The following KATNIP variants were observed in gnomAD, a reference collection of about 807,000 sequenced individuals.
KATNIP encodes the protein katanin-interacting protein.
KATNIP carries 126 observed loss-of-function variants against 174.0 expected under a neutral mutation model. The ratio of observed to expected loss-of-function variants is 0.72; its 90% CI spans 0.63 to 0.84. The LOEUF is 0.84. Among genes scored for constraint, KATNIP ranks in the 40% least tolerant of loss-of-function variants. The pLI is 0.00. For missense variants in KATNIP, 1,958 were observed against 2,109.7 expected, an observed-to-expected ratio of 0.93 and a Z score of 1.41; for synonymous variants, 810 against 835.7, an observed-to-expected ratio of 0.97 and a Z score of 0.53.
At position 27,748,698 on chromosome 16, in the gene KATNIP, C is replaced by T. The variant is rs545567179; in HGVS notation, c.2624-886C>T. Reference sequence around the variant, plus strand: ...ACTCGGGGGGCTGAAGCGGGAGGATCGCTTGAGGCCAGGAGGTCAAGGTTG... The same window carrying T: ...ACTCGGGGGGCTGAAGCGGGAGGATTGCTTGAGGCCAGGAGGTCAAGGTTG... On this transcript the variant is annotated intron_variant, in intron 15 of 27. Coordinates refer to ENST00000261588, the MANE Select transcript of KATNIP (RefSeq NM_015202.5). 4.6e-5 allele frequency among the ~76,000 whole-genome samples: 7 copies of T among 152,066 alleles called. No individual in the cohort carries two copies. In the South Asian group the frequency reaches 8.4e-4, roughly 18 times the overall value.
chr16:27,746,737 C>T (rs2081309703), intron 15 of KATNIP, among the ~76,000 whole-genome samples: 1 of 152,154 alleles, frequency 6.6e-6, no homozygotes, highest in African/African-American at 2.4e-5. Context: ...GCTCTGAGGC[C>T]AGAAGAGACA....
chr16:27,757,502 T>A (rs1330214060), intron 18 of KATNIP: 10 of 985,286 alleles, frequency 1.0e-5, no homozygotes, highest in Non-Finnish European at 8.4e-6. Flanking sequence ...AGATGCTGCC[T>A]GTAGATGTGT....
At chr16:27,576,664 A>C (rs1048864280) in intron 2 of KATNIP, among the ~76,000 whole-genome samples, 8 of 152,008 alleles carry the variant, frequency 5.3e-5, no homozygotes, top group East Asian at 1.9e-4. Context: ...ACAAAAAAAA[A>C]CAGCAAGCTG....
rs371104220 is a variant in KATNIP at position 27,749,779 on chromosome 16, C to T, written c.2819C>T (p.Pro940Leu). 1.5e-5 allele frequency: 24 copies of T among 1,610,090 alleles called. No homozygotes were observed. The highest frequency in any genetic ancestry group is 8.0e-5 in the African/African-American group (6 of 74,984). Residue 940 changes from proline (P) to leucine (L), a missense_variant, in exon 16 of 28, where the codon CCC (proline) becomes CTC (leucine). By Grantham distance (98) the Pro-to-Leu change is moderately conservative (BLOSUM62 -3). Transcript: ENST00000261588. ...AGCAGCCGGCACAGCGACTTGCCCC[C>T]CTCCAAGAAGGGGGAGCAGCCAGGG... ...QKSSRHSDLP[P>L]SKKGEQPGLS... is the part of the protein sequence containing the mutation.
At chr16:27,728,005 A>G (rs572784091) in intron 14 of KATNIP, 1 of 152,370 alleles carries the variant, frequency 6.6e-6, no homozygotes, top group African/African-American at 2.4e-5. Flanking sequence ...TTTCTTTTAC[A>G]CTTGGTTTGT....
At chr16:27,558,630 G>A (rs2089726148) in intron 1 of KATNIP, among the ~76,000 whole-genome samples, 1 of 152,182 alleles carries the variant, frequency 6.6e-6, no homozygotes, top group African/African-American at 2.4e-5. Context: ...TGTAAATAAA[G>A]TTTTATTGGA....
intron 2 of KATNIP, among the ~76,000 whole-genome samples, chr16:27,610,611 G>T (rs116648054): frequency 6.6e-6 from 1 of 152,108 alleles, no homozygotes; most frequent in Non-Finnish European, 1.5e-5. Flanking sequence ...GTTGCAGCCC[G>T]CTTTTGTACA....
chr16:27,573,678 A>C (rs1227826616), intron 1 of KATNIP, among the ~76,000 whole-genome samples: 1 of 152,214 alleles, frequency 6.6e-6, no homozygotes, highest in Non-Finnish European at 1.5e-5. Flanking sequence ...AGCTTTGTTC[A>C]TTATAGTCAA....
In KATNIP at chr16:27,701,414, G is replaced by A. The variant is rs1295740476; in HGVS notation, c.1180-175G>A. ...CCTGGTCCTCGGAAGCTGAGATGGT[G>A]TGAGGGGTTCTAGATAGAAGCTCCA... On this transcript the variant is annotated intron_variant, in intron 10 of 27. Coordinates refer to ENST00000261588, the MANE Select transcript of KATNIP (RefSeq NM_015202.5). 1.1e-5 allele frequency: 6 copies of A among 567,546 alleles called. No homozygotes were observed. The South Asian group carries it at 1.4e-4, about 13-fold the overall frequency. 35.2% of individuals were successfully genotyped at this position (567,546 alleles called of 1,614,324 possible).
chr16:27,638,049 C>T (rs2076687172), intron 5 of KATNIP, among the ~76,000 whole-genome samples: 1 of 152,194 alleles, frequency 6.6e-6, no homozygotes, highest in Admixed American at 6.5e-5. Context: ...CACGGTTTTA[C>T]ACTCCCTCCA....
At chr16:27,608,856 C>G (rs1376802879) in intron 2 of KATNIP, among the ~76,000 whole-genome samples, 2 of 152,154 alleles carry the variant, frequency 1.3e-5, no homozygotes. Flanking sequence ...CTCCTCAGCA[C>G]CCGGCAATCT....
chr16:27,605,070 A>G (rs900255216), intron 2 of KATNIP, among the ~76,000 whole-genome samples: 1 of 152,120 alleles, frequency 6.6e-6, no homozygotes, highest in Non-Finnish European at 1.5e-5. Flanking sequence ...CTGGGATTAC[A>G]GGCATGTGCC....
Position 27,677,787 on chromosome 16 carries a change from C to G in KATNIP, c.599C>G (p.Ser200Cys). ...VNLQRKQKDC[S>C]SDEYDSIEED... Reference sequence around the variant, plus strand: ...CTACAAAGGAAACAAAAGGATTGTTCCAGCGATGAGTATGACTCTATTGAG... The same window carrying G: ...CTACAAAGGAAACAAAAGGATTGTTGCAGCGATGAGTATGACTCTATTGAG... The change falls in exon 7 of 28, where the codon TCC becomes TGC. Residue 200 changes from serine to cysteine, a missense_variant. Physicochemically the swap from Ser to Cys is moderately radical, Grantham distance 112. Transcript: ENST00000261588. 1.9e-6 allele frequency: 3 copies of G among 1,614,078 alleles called. No individual in the cohort carries two copies. The South Asian group carries it at 3.3e-5, about 18-fold the overall frequency.
intron 17 of KATNIP, among the ~76,000 whole-genome samples, chr16:27,753,323 C>G (rs1004270343): frequency 2.7e-4 from 41 of 152,302 alleles, no homozygotes; most frequent in Admixed American, 1.8e-3. Flanking sequence ...GCCTGTGCTC[C>G]TGATTCGACC....
chr16:27,770,107 G>A, intron 21 of KATNIP, 89 bp downstream of exon 21: 1 of 1,410,688 alleles, frequency 7.1e-7, no homozygotes, highest in East Asian at 2.3e-5. Context: ...TTCCGAAAGG[G>A]TTTTGAAACG....
At chr16:27,600,389 A>G (rs1393183689) in intron 2 of KATNIP, among the ~76,000 whole-genome samples, 1 of 152,124 alleles carries the variant, frequency 6.6e-6, no homozygotes, top group Non-Finnish European at 1.5e-5. Flanking sequence ...ACTGCCCTAC[A>G]CTTGAGAATG....
intron 6 of KATNIP, among the ~76,000 whole-genome samples, chr16:27,674,422 G>C (rs563093345): frequency 6.6e-6 from 1 of 152,334 alleles, no homozygotes; most frequent in South Asian, 2.1e-4. Context: ...CTGGAGGCTC[G>C]AGAGGAAAGC....
chr16:27,639,584 C>G (rs1014304624), intron 5 of KATNIP, among the ~76,000 whole-genome samples: 1 of 152,216 alleles, frequency 6.6e-6, no homozygotes, highest in Non-Finnish European at 1.5e-5. Context: ...TTAAAGGTCT[C>G]TAAAGCAAGT....
intron 2 of KATNIP, among the ~76,000 whole-genome samples, chr16:27,586,842 C>G (rs1384838693): frequency 7.0e-6 from 1 of 143,808 alleles, no homozygotes; most frequent in African/African-American, 2.6e-5. Context: ...AAAAAAAAAA[C>G]AAAAAAACAA....
Sources: gnomAD v4.1 joint callset for allele counts (sites outside exome capture counted in the v4.1 genomes callset) on GRCh38, gnomAD v4.1.1 for gene constraint, MANE v1.5 for transcripts, NCBI Gene and HGNC (gene_info 2026-07-23, HGNC 2026-07-21) for gene names.